Variants in FBXL2 observed in about 807,000 individuals in gnomAD.
FBXL2 encodes F-box/LRR-repeat protein 2.
A neutral mutation model predicts 69.2 loss-of-function variants in FBXL2; 38 were observed. The ratio of observed to expected loss-of-function variants is 0.55; its 90% confidence interval spans 0.42 to 0.72. FBXL2 has a LOEUF of 0.72. Among genes scored for constraint, FBXL2 ranks in the 30% least tolerant of loss-of-function variants. The pLI is 0.00. For missense variants in FBXL2, 354 were observed against 520.3 expected (o/e 0.68, Z 3.11); for synonymous variants, 192 against 201.3 (o/e 0.95, Z 0.39).
intron 12 of FBXL2, 50 bp from the exon 13 acceptor site, chr3:33,378,628 GATTAGGT>G: frequency 6.5e-7 from 1 of 1,542,356 alleles, no homozygotes; most frequent in Non-Finnish European, 8.8e-7. Context: ...GAGAAGCCAG[GATTAGGT>G]ATTAAGTTCT....
In FBXL2 at chr3:33,398,923, T is replaced by C. The variant is rs2044115361; in HGVS notation, n.1215-4311T>C. Among the ~76,000 whole-genome samples the C allele has an allele frequency of 2.6e-5, 4 of 152,188 alleles. No individual in the cohort carries two copies. In the South Asian group the frequency reaches 8.3e-4, roughly 32 times the overall value. On this transcript the variant is annotated intron_variant and non_coding_transcript_variant, in intron 12 of 12. Coordinates refer to the FBXL2 transcript ENST00000463736. ...ACACATAAAAGGCTTTACTTAATCA[T>C]ATAAAAATGTAGTCCCCAGCTAGCA...
intron 1 of FBXL2, among the ~76,000 whole-genome samples, chr3:33,288,336 C>T (rs1432749620): frequency 6.6e-6 from 1 of 152,194 alleles, no homozygotes; most frequent in Non-Finnish European, 1.5e-5. Context: ...GGATATCCAG[C>T]AGTGCGCAAA....
chr3:33,344,015 A>G (rs1003214652), intron 2 of FBXL2, among the ~76,000 whole-genome samples: 3 of 152,046 alleles, frequency 2.0e-5, no homozygotes, highest in Non-Finnish European at 4.4e-5. Context: ...ATCAATAAAT[A>G]TGAGTATGGT....
the FBXL2 span, among the ~76,000 whole-genome samples, chr3:33,413,041 AAAT>A: frequency 2.6e-5 from 4 of 152,190 alleles, no homozygotes; most frequent in African/African-American, 9.7e-5. Context: ...CTAAAATTAT[AAAT>A]AAAATGGTAA....
chr3:33,409,821 G>A, the FBXL2 span, among the ~76,000 whole-genome samples: 2 of 152,128 alleles, frequency 1.3e-5, no homozygotes, highest in Non-Finnish European at 2.9e-5. Context: ...CTGAGCTCTT[G>A]CCCATCACAG....
chr3:33,357,878 TC>T (rs1208099539), intron 2 of FBXL2, among the ~76,000 whole-genome samples: 5 of 152,184 alleles, frequency 3.3e-5, no homozygotes, highest in Non-Finnish European at 7.4e-5. Flanking sequence ...TATGCTTCTA[TC>T]CTTTGCTTTT....
chr3:33,379,256 C>A (rs147879048), intron 13 of FBXL2, among the ~76,000 whole-genome samples: 3,060 of 151,808 alleles, frequency 0.02, 59 homozygotes, highest in Admixed American at 0.056. Flanking sequence ...CCTGCCTCAG[C>A]CTCCCAAAGT....
At chr3:33,420,210 G>A in the FBXL2 span, among the ~76,000 whole-genome samples, 2 of 152,140 alleles carry the variant, frequency 1.3e-5, no homozygotes, top group African/African-American at 4.8e-5. Flanking sequence ...TAACCAGGAG[G>A]AAATCTACTG....
In FBXL2 at chr3:33,312,769, G is replaced by A. The variant is rs796607348; in HGVS notation, c.65+15044G>A. On this transcript the variant is annotated intron_variant, in intron 2 of 14. Transcript: ENST00000484457. The stretch of plus-strand genomic sequence containing the variant: ...ATCCTAATAGCCAGACTGACTAGGA[G>A]GAAAAAGAGACAACATTTACCATTT... Among the ~76,000 whole-genome samples, 35 of 152,080 alleles carry A rather than the reference G, an allele frequency of 2.3e-4. 1 individual carries two copies. Among genetic ancestry groups the A allele is most frequent in the African/African-American group, 7.7e-4 (32 of 41,494 alleles).
intron 13 of FBXL2, chr3:33,383,287 T>C (rs1168284912): frequency 1.3e-5 from 2 of 152,508 alleles, no homozygotes; most frequent in Non-Finnish European, 2.9e-5. Flanking sequence ...CTAGTTTTTA[T>C]GGTGGGGTGA....
intron 2 of FBXL2, among the ~76,000 whole-genome samples, chr3:33,316,619 T>C (rs1221415551): frequency 6.6e-6 from 1 of 152,180 alleles, no homozygotes; most frequent in Non-Finnish European, 1.5e-5. Context: ...TTTGGGATTC[T>C]CCTGAGGTCA....
chr3:33,298,515 T>C (rs966703571), intron 2 of FBXL2, among the ~76,000 whole-genome samples: 8 of 151,808 alleles, frequency 5.3e-5, no homozygotes, highest in African/African-American at 1.9e-4. Flanking sequence ...CTACTAAAAA[T>C]ACGAAACAAT....
intron 2 of FBXL2, among the ~76,000 whole-genome samples, chr3:33,353,039 AATATG>A (rs1385814970): frequency 1.3e-5 from 2 of 152,274 alleles, no homozygotes; most frequent in Non-Finnish European, 2.9e-5. Context: ...AAAGATGCTT[AATATG>A]ATATGTCACT....
At chr3:33,325,764 G>A (rs867303818) in intron 2 of FBXL2, among the ~76,000 whole-genome samples, 1 of 151,980 alleles carries the variant, frequency 6.6e-6, no homozygotes, top group Non-Finnish European at 1.5e-5. Context: ...TTGATTTATA[G>A]TGTGTTTTAT....
chr3:33,324,898 T>G (rs1430589113), intron 2 of FBXL2, among the ~76,000 whole-genome samples: 1 of 152,194 alleles, frequency 6.6e-6, no homozygotes, highest in South Asian at 2.1e-4. Flanking sequence ...GTGGGCAGTA[T>G]GGCCATTTTC....
rs543115511 is a variant in FBXL2 at position 33,377,425 on chromosome 3, C to T, written c.849+92C>T. 27 of 1,232,358 alleles carry T rather than the reference C, an allele frequency of 2.2e-5. No individual in the cohort carries two copies. The South Asian group carries it at 3.1e-4, about 14-fold the overall frequency. The allele number at this position is 1,232,358 out of a possible 1,614,324, so 76.3% of individuals were successfully genotyped here. A position where few individuals can be genotyped will look rare whatever the true frequency, so the allele number is the denominator to read the frequency against. ...GTGGTTTTGGGTGTGCAAAAGACTA[C>T]CTTCAGAAAAGACAGGCACAAAGTA... On this transcript the variant is annotated intron_variant, in intron 11 of 14. Coordinates refer to ENST00000484457, the MANE Select transcript of FBXL2 (RefSeq NM_012157.5).
intron 12 of FBXL2, chr3:33,402,650 T>C (rs913988688): frequency 3.6e-5 from 18 of 493,666 alleles, no homozygotes; most frequent in Non-Finnish European, 5.0e-5. Flanking sequence ...AAGACAATGA[T>C]TGTCCTCTGC....
chr3:33,378,681 C>G lies in FBXL2; in HGVS notation c.895-4C>G, dbSNP rs759523526. On this transcript the variant is annotated splice_polypyrimidine_tract_variant and splice_region_variant and intron_variant, in intron 12 of 14. Coordinates refer to ENST00000484457, the MANE Select transcript of FBXL2 (RefSeq NM_012157.5). ...CCACACTGACACAGCATGTTTCTCT[C>G]CAGATAACCGACAGCACACTCATCC... 2.5e-6 allele frequency: 4 copies of G among 1,611,946 alleles called. No individual in the cohort carries two copies. The highest frequency in any genetic ancestry group is 3.4e-6 in the Non-Finnish European group (4 of 1,179,326).
chr3:33,388,618 G>C (rs937837245), downstream of FBXL2: 1 of 152,284 alleles, frequency 6.6e-6, no homozygotes, highest in Non-Finnish European at 1.5e-5. Flanking sequence ...AAATAGACAA[G>C]CAAAACTTTT....
Sources: gnomAD v4.1 joint callset for allele counts (sites outside exome capture counted in the v4.1 genomes callset) on GRCh38, gnomAD v4.1.1 for gene constraint, MANE v1.5 for transcripts, NCBI Gene and HGNC (gene_info 2026-07-23, HGNC 2026-07-21) for gene names.